The following EPRS1 variants were observed in gnomAD, a reference collection of about 807,000 sequenced individuals.
The protein encoded by EPRS1 is bifunctional glutamate/proline--tRNA ligase.
Under a neutral mutation model 188.3 loss-of-function variants are expected in EPRS1, and 107 were observed. That is an observed-to-expected ratio of 0.57 (90% CI 0.49 to 0.67). The LOEUF (loss-of-function observed/expected upper bound fraction) is 0.67, where lower values mean the gene tolerates loss of function less well. Among genes scored for constraint, EPRS1 ranks in the 30% least tolerant of loss-of-function variants. The pLI is 0.00. For synonymous variants in EPRS1, 596 were observed against 593.1 expected (o/e 1.00, Z -0.07); for missense variants, 1,577 against 1,802.2 (o/e 0.88, Z 2.26).
chr1:220,005,309 C>T lies in EPRS1; in HGVS notation c.2002G>A (p.Asp668Asn), dbSNP rs752994915. The T allele has an allele frequency of 2.5e-6, 4 of 1,600,682 alleles. No homozygotes were observed. The South Asian group carries it at 4.5e-5, about 18-fold the overall frequency. The stretch of plus-strand genomic sequence containing the variant: ...CCTCTTCTCTGGAGTTGTATAATAT[C>T]TCCTTTTTTCAAATCCTTAAGGCAG... ...DPCLKDLKKGDIIQLQRRGFF... is the reference protein window; with the variant it reads ...DPCLKDLKKGNIIQLQRRGFF... The change falls in exon 16 of 32, where the codon GAT becomes AAT. Residue 668 changes from aspartate (D) to asparagine (N), a missense_variant. Around this residue, in one of 3 missense-constraint regions of EPRS1, gnomAD observed 1,278 missense variants for 1,457.4 expected, o/e 0.88. Coordinates refer to ENST00000366923, the MANE Select transcript of EPRS1 (RefSeq NM_004446.3).
rs141101448 is a variant in EPRS1 at position 220,010,994 on chromosome 1, A to G, written c.1557T>C (p.Asn519=). The change falls in exon 13 of 32, where the codon AAT becomes AAC. Residue 519 remains asparagine (N), a synonymous_variant. Transcript: ENST00000366923. Reference sequence around the variant, plus strand: ...TCATCTCCTCCTGAGCTTCAGGTACATTCACTGGGATCACTTCTTTCTTCA... The same window carrying G: ...TCATCTCCTCCTGAGCTTCAGGTACGTTCACTGGGATCACTTCTTTCTTCA... ...ALLKKEVIPV[N]VPEAQEEMKE... is the part of the protein sequence containing the mutation. 3 of 1,613,658 alleles carry G rather than the reference A, an allele frequency of 1.9e-6. No homozygotes were observed. The highest frequency in any genetic ancestry group is 1.3e-5 in the African/African-American group (1 of 74,902).
At position 220,024,274 on chromosome 1, in the gene EPRS1, A is replaced by G. The variant is rs1661931088; in HGVS notation, c.933T>C (p.His311=). The G allele has an allele frequency of 8.9e-6, 14 of 1,573,580 alleles. No homozygotes were observed. The highest frequency in any genetic ancestry group is 1.1e-5 in the Non-Finnish European group (13 of 1,166,510). ...AACAATGTGGCTTACGGTTTTTTCT[A>G]TGTTTAGAGTCTATCCTCTGCTCAC... The part of the protein sequence containing the change: ...AEREQRIDSK[H]RKNPIEKNLQ... The change falls in exon 8 of 32, where the codon CAT becomes CAC. Residue 311 remains histidine, a synonymous_variant. Transcript: ENST00000366923.
Position 219,998,937 on chromosome 1 carries a change from AT to A in EPRS1, c.2182-1596del, listed in dbSNP as rs1314754833. ...TAACACCAAAAAAAAAAAAAAAAAA[AT>A]CACACTGCCTTGTGTGTGATTTTTT... On this transcript the variant is annotated intron_variant, in intron 17 of 31. Coordinates refer to ENST00000366923, the MANE Select transcript of EPRS1 (RefSeq NM_004446.3). 6.2e-4 allele frequency among the ~76,000 whole-genome samples: 87 copies of A among 140,034 alleles called. 1 individual carries two copies. Among genetic ancestry groups the A allele is most frequent in the South Asian group, 1.4e-3 (6 of 4,408 alleles). The allele number at this position is 140,034 out of a possible 152,430, so 91.9% of individuals were successfully genotyped here.
At chr1:219,988,860 TTGGAAATTTC>T (rs1370525805) in intron 18 of EPRS1, 37 bp from the exon 19 acceptor site, 2 of 1,403,622 alleles carry the variant, frequency 1.4e-6, no homozygotes, top group Middle Eastern at 1.9e-4. Flanking sequence ...TTATAAAACT[TTGGAAATTTC>T]TGGAAATTTC....
In EPRS1 at chr1:220,032,373, A is replaced by G; in HGVS notation, c.528+14T>C. 6.4e-7 allele frequency: 1 copy of G among 1,553,088 alleles called. No homozygotes were observed. Among genetic ancestry groups the G allele is most frequent in the Non-Finnish European group, 8.6e-7 (1 of 1,157,628 alleles). ...AGTGTTTTTTTTTTTAAAAAAAAAG[A>G]AAAAAAGGCTTACCACTCGAGCTTT... On this transcript the variant is annotated intron_variant, in intron 5 of 31. Coordinates refer to ENST00000366923, the MANE Select transcript of EPRS1 (RefSeq NM_004446.3).
chr1:219,997,829 G>A (rs1461007246), intron 17 of EPRS1, among the ~76,000 whole-genome samples: 1 of 152,040 alleles, frequency 6.6e-6, no homozygotes, highest in Non-Finnish European at 1.5e-5. Context: ...ATAAGCATTA[G>A]GTATCACTAT....
intron 17 of EPRS1, among the ~76,000 whole-genome samples, chr1:220,000,240 C>G (rs1472595818): frequency 1.3e-5 from 2 of 152,160 alleles, no homozygotes; most frequent in East Asian, 3.9e-4. Context: ...GGAACTGGAA[C>G]CAATGAGGGA....
chr1:220,020,870 A>ATATATATATATG lies in EPRS1; in HGVS notation c.1116-650_1116-649insCATATATATATA, dbSNP rs1219334636. 1.4e-3 allele frequency among the ~76,000 whole-genome samples: 109 copies of ATATATATATATG among 77,280 alleles called. 4 individuals are homozygous for ATATATATATATG. Among genetic ancestry groups the ATATATATATATG allele is most frequent in the South Asian group, 3.6e-3 (9 of 2,500 alleles). The allele number at this position is 77,280 out of a possible 152,430, so 50.7% of individuals were successfully genotyped here. On this transcript the variant is annotated intron_variant, in intron 9 of 31. Transcript: ENST00000366923. Reference sequence around the variant, plus strand: ...TATATATATATATATATATATATATATTAGTGCATTATGCTTTCTTTCTTT... The same window carrying ATATATATATATG: ...TATATATATATATATATATATATATATATATATATATGTTAGTGCATTATGCTTTCTTTCTTT...
intron 30 of EPRS1, among the ~76,000 whole-genome samples, chr1:219,969,793 T>G (rs983707742): frequency 6.6e-6 from 1 of 152,152 alleles, no homozygotes. Flanking sequence ...TTTTAATAAA[T>G]TGTGGATGTC....
chr1:219,990,524 A>G (rs993785487), intron 18 of EPRS1, among the ~76,000 whole-genome samples: 1 of 152,192 alleles, frequency 6.6e-6, no homozygotes, highest in Non-Finnish European at 1.5e-5. Context: ...TGTCAAGTTT[A>G]GAAAGATTAA....
chr1:220,013,392 T>C (rs960912374), intron 12 of EPRS1, among the ~76,000 whole-genome samples: 1 of 152,202 alleles, frequency 6.6e-6, no homozygotes, highest in Admixed American at 6.5e-5. Flanking sequence ...CCCACATCTC[T>C]TTCCCCTTCA....
At chr1:219,978,429 C>G in intron 28 of EPRS1, 117 bp downstream of exon 28, 1 of 739,260 alleles carries the variant, frequency 1.4e-6, no homozygotes, top group Non-Finnish European at 2.1e-6. Flanking sequence ...GAAGAAAACT[C>G]ACAACTATCA....
chr1:219,985,564 G>C (rs887804042), intron 20 of EPRS1, among the ~76,000 whole-genome samples: 1 of 151,712 alleles, frequency 6.6e-6, no homozygotes, highest in East Asian at 1.9e-4. Context: ...CACCATTCCT[G>C]GTTAATTTTT....
intron 18 of EPRS1, among the ~76,000 whole-genome samples, chr1:219,995,242 A>T (rs1661208938): frequency 6.6e-6 from 1 of 152,210 alleles, no homozygotes; most frequent in Non-Finnish European, 1.5e-5. Context: ...GTGATATTTT[A>T]TGAAAGCATG....
chr1:219,979,461 T>C lies in EPRS1; in HGVS notation c.3866A>G (p.Asp1289Gly). The change falls in exon 27 of 32, where the codon GAC becomes GGC. Residue 1289 changes from aspartate to glycine, a missense_variant. Physicochemically the swap from Asp to Gly is moderately conservative, Grantham distance 94 (BLOSUM62 -1). Coordinates refer to ENST00000366923, the MANE Select transcript of EPRS1 (RefSeq NM_004446.3). ...GGGTGGTAATACTAAACCCATGTTG[T>C]CCCCATGAACCATGGTCATAACACC... ...TIGVMTMVHG[D>G]NMGLVLPPRV... 1 of 1,614,082 alleles carries C rather than the reference T, an allele frequency of 6.2e-7. No individual in the cohort carries two copies. Among genetic ancestry groups the C allele is most frequent in the Non-Finnish European group, 8.5e-7 (1 of 1,179,976 alleles).
At chr1:219,991,850 T>C (rs1164632313) in intron 18 of EPRS1, among the ~76,000 whole-genome samples, 1 of 152,204 alleles carries the variant, frequency 6.6e-6, no homozygotes, top group African/African-American at 2.4e-5. Context: ...ACACAAATTC[T>C]GAAGATTTTC....
At chr1:220,003,325 T>C (rs1230857775) in intron 16 of EPRS1, among the ~76,000 whole-genome samples, 3 of 152,210 alleles carry the variant, frequency 2.0e-5, no homozygotes, top group Non-Finnish European at 1.5e-5. Context: ...ATACAAGTCC[T>C]TTAAGAGACA....
chr1:219,970,014 G>C lies in EPRS1; in HGVS notation c.4324-892C>G, dbSNP rs374368388. Among the ~76,000 whole-genome samples, 65 of 152,242 alleles carry C rather than the reference G, an allele frequency of 4.3e-4. 1 individual carries two copies. Among genetic ancestry groups the C allele is most frequent in the African/African-American group, 1.5e-3 (63 of 41,554 alleles). On this transcript the variant is annotated intron_variant, in intron 30 of 31. Coordinates refer to ENST00000366923, the MANE Select transcript of EPRS1 (RefSeq NM_004446.3). ...TTTGTGTAATTTTAGTAGAGACGGGGTTTCGCCATGTTGGCCAGGCTGGTC... is the reference window on the plus strand; with the variant it reads ...TTTGTGTAATTTTAGTAGAGACGGGCTTTCGCCATGTTGGCCAGGCTGGTC...
chr1:220,004,487 G>A (rs776386322), intron 16 of EPRS1, among the ~76,000 whole-genome samples: 1 of 152,156 alleles, frequency 6.6e-6, no homozygotes, highest in Non-Finnish European at 1.5e-5. Context: ...AGGAAGCAAT[G>A]TTATAGCCTG....
Sources: gnomAD v4.1 joint callset for allele counts (sites outside exome capture counted in the v4.1 genomes callset) on GRCh38, gnomAD v4.1.1 for gene constraint, gnomAD v4.1.1 regional missense constraint, MANE v1.5 for transcripts, NCBI Gene and HGNC (gene_info 2026-07-23, HGNC 2026-07-21) for gene names.